Variants in LYZL4 observed in about 807,000 individuals in gnomAD.
LYZL4 encodes the protein lysozyme-like protein 4.
In LYZL4, 13 loss-of-function variants were observed where a neutral mutation model predicts 17.6. The observed-to-expected ratio is 0.74, with a 90% confidence interval of 0.48 to 1.18. The LOEUF is 1.18. Ranked by LOEUF, LYZL4 falls within the 50% of genes most tolerant of loss-of-function variation. The pLI, the probability that LYZL4 is intolerant of heterozygous loss-of-function variation, is 0.00. For synonymous variants in LYZL4, 64 were observed against 67.7 expected, an observed-to-expected ratio of 0.95 and a Z score of 0.27; for missense variants, 174 against 188.2, an observed-to-expected ratio of 0.92 and a Z score of 0.44.
the LYZL4 span, among the ~76,000 whole-genome samples, chr3:42,372,346 CTG>C: frequency 6.6e-6 from 1 of 152,212 alleles, no homozygotes; most frequent in Admixed American, 6.5e-5. Flanking sequence ...GAGATGAATA[CTG>C]TGTCTGACAT....
downstream of LYZL4, among the ~76,000 whole-genome samples, chr3:42,394,012 C>G (rs553560109): frequency 6.6e-6 from 1 of 152,094 alleles, no homozygotes; most frequent in Admixed American, 6.5e-5. Flanking sequence ...AGGCTGGTCT[C>G]GAACTCCTGG....
chr3:42,395,806 A>G (rs1486881896), downstream of LYZL4, among the ~76,000 whole-genome samples: 3 of 152,192 alleles, frequency 2.0e-5, no homozygotes, highest in Non-Finnish European at 4.4e-5. Flanking sequence ...GGTGGCTCAC[A>G]CCCCTAACAT....
At chr3:42,392,693 G>C (rs960390784), downstream of LYZL4, among the ~76,000 whole-genome samples, 6 of 152,172 alleles carry the variant, frequency 3.9e-5, no homozygotes, top group African/African-American at 1.2e-4. Flanking sequence ...GGGCAGGAGA[G>C]AAGTGAGGAC....
At chr3:42,384,081 T>C in the LYZL4 span, among the ~76,000 whole-genome samples, 1 of 152,086 alleles carries the variant, frequency 6.6e-6, no homozygotes, top group Admixed American at 6.5e-5. Context: ...TTAGAGACAA[T>C]CCTACAACCT....
At chr3:42,398,368 C>T (rs368889237) in intron 4 of LYZL4, among the ~76,000 whole-genome samples, 1 of 152,150 alleles carries the variant, frequency 6.6e-6, no homozygotes, top group Admixed American at 6.5e-5. Context: ...CCACTCAGTG[C>T]CATACACTAA....
the LYZL4 span, among the ~76,000 whole-genome samples, chr3:42,375,095 G>A: frequency 1.6e-4 from 25 of 152,236 alleles, no homozygotes; most frequent in Middle Eastern, 0.014. Flanking sequence ...ACAGGTGTGA[G>A]CCACTGTACC....
the LYZL4 span, among the ~76,000 whole-genome samples, chr3:42,378,031 G>C: frequency 3.3e-5 from 5 of 152,162 alleles, no homozygotes; most frequent in Non-Finnish European, 7.4e-5. Flanking sequence ...GATGGCCAAG[G>C]GGGTGGGTAT....
chr3:42,404,261 A>G, intron 3 of LYZL4, 137 bp from the exon 4 acceptor site: 2 of 536,570 alleles, frequency 3.7e-6, no homozygotes, highest in East Asian at 3.2e-5. Flanking sequence ...TTAGATTTTT[A>G]TTAGACAACC....
downstream of LYZL4, among the ~76,000 whole-genome samples, chr3:42,395,112 C>G (rs1698533712): frequency 6.6e-6 from 1 of 152,122 alleles, no homozygotes; most frequent in South Asian, 2.1e-4. Flanking sequence ...GAAAGCCACA[C>G]AAAACTGTTT....
chr3:42,381,656 G>T, the LYZL4 span, among the ~76,000 whole-genome samples: 6 of 152,228 alleles, frequency 3.9e-5, no homozygotes, highest in African/African-American at 1.4e-4. Flanking sequence ...ACCAAAAGTT[G>T]TAAGTATTTT....
At chr3:42,397,825 T>C (rs1157056339) in intron 4 of LYZL4, among the ~76,000 whole-genome samples, 2 of 152,102 alleles carry the variant, frequency 1.3e-5, no homozygotes. Context: ...TCCTTCCAAC[T>C]CTTTAGCCCC....
chr3:42,388,483 G>A, the LYZL4 span, among the ~76,000 whole-genome samples: 1 of 152,190 alleles, frequency 6.6e-6, no homozygotes, highest in African/African-American at 2.4e-5. Context: ...TTATTCAGAA[G>A]CTGTTTTTCA....
chr3:42,386,402 C>CAG, the LYZL4 span, among the ~76,000 whole-genome samples: 4 of 61,984 alleles, frequency 6.5e-5, no homozygotes, highest in African/African-American at 1.8e-4. Flanking sequence ...CACGCCCCCC[C>CAG]CCCCCCCCCC....
At chr3:42,395,826 C>T (rs992079068), downstream of LYZL4, among the ~76,000 whole-genome samples, 2 of 152,036 alleles carry the variant, frequency 1.3e-5, no homozygotes, top group Non-Finnish European at 1.5e-5. Flanking sequence ...TTTTGGGAGG[C>T]GAGGCGGGTG....
chr3:42,397,356 A>G, intron 4 of LYZL4, 22 bp from the exon 5 acceptor site: 2 of 1,537,566 alleles, frequency 1.3e-6, no homozygotes. Flanking sequence ...AGTGAACAGG[A>G]AGGGCTCCTC....
chr3:42,365,120 G>C, the LYZL4 span, among the ~76,000 whole-genome samples: 1 of 152,166 alleles, frequency 6.6e-6, no homozygotes, highest in South Asian at 2.1e-4. Flanking sequence ...TGCAATGTCA[G>C]GTCCTTGATT....
At chr3:42,366,562 C>T in the LYZL4 span, among the ~76,000 whole-genome samples, 3 of 152,190 alleles carry the variant, frequency 2.0e-5, no homozygotes, top group Non-Finnish European at 4.4e-5. Context: ...CAGTGTCACC[C>T]TCCAGGCAGG....
At chr3:42,366,103 C>G in the LYZL4 span, among the ~76,000 whole-genome samples, 1 of 151,898 alleles carries the variant, frequency 6.6e-6, no homozygotes, top group Non-Finnish European at 1.5e-5. Context: ...ACTTCTCTCT[C>G]CCCAGGCCAC....
chr3:42,403,229 A>G (rs547017329), intron 4 of LYZL4, among the ~76,000 whole-genome samples: 1 of 152,320 alleles, frequency 6.6e-6, no homozygotes, highest in Admixed American at 6.5e-5. Context: ...GGATATGATA[A>G]AAGACAAAAG....
Sources: gnomAD v4.1 joint callset for allele counts (sites outside exome capture counted in the v4.1 genomes callset) on GRCh38, gnomAD v4.1.1 for gene constraint, MANE v1.5 for transcripts, NCBI Gene and HGNC (gene_info 2026-07-23, HGNC 2026-07-21) for gene names.